Variants in CFAP99 observed in about 807,000 individuals in gnomAD.
The protein encoded by CFAP99 is cilia and flagella associated protein 99.
Under a neutral mutation model 82.7 loss-of-function variants are expected in CFAP99, and 84 were observed. The observed-to-expected ratio is 1.02, with a 90% confidence interval of 0.85 to 1.22. The LOEUF is 1.22. CFAP99 is among the 50% of genes most tolerant of loss of function. CFAP99 has a pLI of 0.00. For synonymous variants in CFAP99, 456 were observed against 429.5 expected, an observed-to-expected ratio of 1.06 and a Z score of -0.76; for missense variants, 1,059 against 983.5, an observed-to-expected ratio of 1.08 and a Z score of -1.03.
At chr4:2,421,866 A>AC (rs1457895994) in intron 1 of CFAP99, among the ~76,000 whole-genome samples, 3 of 135,878 alleles carry the variant, frequency 2.2e-5, no homozygotes, top group African/African-American at 5.8e-5. Context: ...ACATAGTAAG[A>AC]CCCCTGTCTC....
At chr4:2,454,469 G>A (rs907066434) in intron 11 of CFAP99, among the ~76,000 whole-genome samples, 1 of 151,580 alleles carries the variant, frequency 6.6e-6, no homozygotes, top group Non-Finnish European at 1.5e-5. Context: ...AATACATTGT[G>A]GAATGGCTAA....
At chr4:2,458,146 G>A (rs768075998) in intron 11 of CFAP99, among the ~76,000 whole-genome samples, 5 of 152,204 alleles carry the variant, frequency 3.3e-5, no homozygotes, top group Non-Finnish European at 7.3e-5. Flanking sequence ...GCGCGGGGAG[G>A]GCCGGTGTGG....
chr4:2,450,323 A>AG, intron 8 of CFAP99: 1 of 403,118 alleles, frequency 2.5e-6, no homozygotes, highest in Non-Finnish European at 4.6e-6. Context: ...AAACAAACCC[A>AG]GGTATGTTTG....
At chr4:2,431,810 A>C (rs1370879558) in intron 2 of CFAP99, among the ~76,000 whole-genome samples, 1 of 151,850 alleles carries the variant, frequency 6.6e-6, no homozygotes, top group Non-Finnish European at 1.5e-5. Flanking sequence ...TCCACCTCCC[A>C]GGTTCAAGCA....
chr4:2,428,967 C>G (rs1043754544), intron 2 of CFAP99: 1 of 152,426 alleles, frequency 6.6e-6, no homozygotes, highest in African/African-American at 2.4e-5. Context: ...GTTCAGCCGG[C>G]AGCCGCTCCG....
chr4:2,449,808 G>T, intron 7 of CFAP99, 58 bp downstream of exon 7: 1 of 1,531,514 alleles, frequency 6.5e-7, no homozygotes, highest in South Asian at 1.2e-5. Context: ...TGTGTGAAGG[G>T]AAGGTGGGGT....
intron 13 of CFAP99, 123 bp from the exon 14 acceptor site, chr4:2,459,914 G>A (rs1346847835): frequency 2.5e-6 from 2 of 810,294 alleles, no homozygotes; most frequent in Non-Finnish European, 4.0e-6. Context: ...TGTTTCATAA[G>A]CAGTGTTGAA....
chr4:2,439,861 T>G (rs1733994662), intron 4 of CFAP99, among the ~76,000 whole-genome samples: 1 of 151,860 alleles, frequency 6.6e-6, no homozygotes, highest in Non-Finnish European at 1.5e-5. Context: ...TTTTTTTTTT[T>G]AAGACGGGGT....
At chr4:2,428,151 T>A (rs1331088476) in intron 2 of CFAP99, 1 of 152,536 alleles carries the variant, frequency 6.6e-6, no homozygotes, top group African/African-American at 2.4e-5. Flanking sequence ...ACACCTCTCA[T>A]CCCGCCGGCC....
chr4:2,450,103 C>A, intron 8 of CFAP99, 98 bp downstream of exon 8: 1 of 1,227,846 alleles, frequency 8.1e-7, no homozygotes, highest in Non-Finnish European at 1.2e-6. Flanking sequence ...ACTTATGTAG[C>A]CTTTTCCCAC....
chr4:2,443,642 C>G (rs1734101450), intron 5 of CFAP99, among the ~76,000 whole-genome samples: 1 of 152,158 alleles, frequency 6.6e-6, no homozygotes, highest in Admixed American at 6.5e-5. Context: ...TTTGGCCTCT[C>G]TGCAGATCCC....
chr4:2,458,604 A>G (rs1578483606), intron 11 of CFAP99, 119 bp from the exon 12 acceptor site: 2 of 1,319,570 alleles, frequency 1.5e-6, no homozygotes, highest in East Asian at 5.2e-5. Context: ...TTCTGGGGTG[A>G]TTCAAGGGCA....
rs1327280589 is a variant in CFAP99, at chr4:2,450,337, A to G, written c.795+332A>G. ...AAAACAAACCCAGGTATGTTTGCCA[A>G]TAAAGAAAAAGCAAGGTAATGACGA... On this transcript the variant is annotated intron_variant, in intron 8 of 14. Coordinates refer to ENST00000635017, the Ensembl canonical transcript of CFAP99. 2.1e-5 allele frequency: 8 copies of G among 380,464 alleles called. No homozygotes were observed. The Admixed American group carries it at 3.1e-4, about 15-fold the overall frequency. The allele number at this position is 380,464 out of a possible 1,614,324, so 23.6% of individuals were successfully genotyped here.
intron 7 of CFAP99, 52 bp downstream of exon 7, chr4:2,449,802 T>C: frequency 6.5e-7 from 1 of 1,531,358 alleles, no homozygotes; most frequent in Non-Finnish European, 8.7e-7. Context: ...GAGGGATGTG[T>C]GAAGGGAAGG....
At position 2,436,300 on chromosome 4, in the gene CFAP99, C is replaced by T. The variant is rs561364068; in HGVS notation, c.112-574C>T. 3.9e-5 allele frequency among the ~76,000 whole-genome samples: 6 copies of T among 152,194 alleles called. No individual in the cohort carries two copies. The East Asian group carries it at 9.6e-4, about 24-fold the overall frequency. ...CTTGCAGAGATGTTCCTTGCTCATG[C>T]ATCATTCATTTTGGTTATTTTTTAA... On this transcript the variant is annotated intron_variant, in intron 2 of 14. Transcript: ENST00000635017.
chr4:2,460,030 C>T lies in CFAP99; in HGVS notation c.1456-7C>T, dbSNP rs1455469772. ...CCCAGCTTGGGGCCTCCCCTACCAC[C>T]CCACAGATCCCCGGCTACGGCCTGG... On this transcript the variant is annotated splice_polypyrimidine_tract_variant and splice_region_variant and intron_variant, in intron 13 of 14. Coordinates refer to ENST00000635017, the Ensembl canonical transcript of CFAP99. 6.5e-7 allele frequency: 1 copy of T among 1,535,608 alleles called. No individual in the cohort carries two copies. Among genetic ancestry groups the T allele is most frequent in the South Asian group, 1.2e-5 (1 of 84,008 alleles).
chr4:2,458,628 C>G, intron 11 of CFAP99, 95 bp from the exon 12 acceptor site: 1 of 1,434,776 alleles, frequency 7.0e-7, no homozygotes, highest in Non-Finnish European at 9.2e-7. Flanking sequence ...ACTGGGTCCA[C>G]CTTCAGACCT....
chr4:2,442,612 C>T (rs1734069581), intron 4 of CFAP99, among the ~76,000 whole-genome samples: 2 of 152,170 alleles, frequency 1.3e-5, no homozygotes, highest in Admixed American at 6.5e-5. Context: ...TCAGGATGTG[C>T]TTCTGGGGCC....
At chr4:2,450,819 TG>T in intron 8 of CFAP99, 127 bp from the exon 9 acceptor site, 4 of 721,398 alleles carry the variant, frequency 5.5e-6, no homozygotes, top group Admixed American at 2.1e-5. Context: ...GATGGGCAGC[TG>T]GGGGGAGGAT....
Sources: allele counts gnomAD v4.1 joint callset (sites outside exome capture counted in the v4.1 genomes callset), GRCh38; gene constraint gnomAD v4.1.1; transcripts MANE v1.5; gene names NCBI Gene and HGNC (gene_info 2026-07-23, HGNC 2026-07-21).